The following RBFOX1 variants were observed in gnomAD, a reference collection of about 807,000 sequenced individuals.
RBFOX1 encodes the protein RNA binding protein fox-1 homolog 1.
A neutral mutation model predicts 57.7 loss-of-function variants in RBFOX1; 8 were observed. That is an observed-to-expected ratio of 0.14 (90% CI 0.08 to 0.25). RBFOX1 has a LOEUF of 0.25. Ranked by LOEUF, RBFOX1 falls within the 10% of genes least tolerant of loss-of-function variation. The pLI is 1.00. For missense variants in RBFOX1, 611 were observed against 548.5 expected (o/e 1.11, Z -1.14); for synonymous variants, 326 against 222.4 (o/e 1.47, Z -4.15).
chr16:5,321,716 C>T (rs2064413934), intron 1 of RBFOX1, among the ~76,000 whole-genome samples: 1 of 152,158 alleles, frequency 6.6e-6, no homozygotes, highest in African/African-American at 2.4e-5. Context: ...CCTCCTTCCA[C>T]ACCTGGGGCT....
At chr16:7,433,719 C>G (rs1360281078) in intron 4 of RBFOX1, among the ~76,000 whole-genome samples, 1 of 152,192 alleles carries the variant, frequency 6.6e-6, no homozygotes, top group Admixed American at 6.5e-5. Flanking sequence ...TCCATCTGTT[C>G]ATCCACCCAT....
At chr16:6,797,228 G>C (rs914414683) in intron 3 of RBFOX1, among the ~76,000 whole-genome samples, 1 of 152,106 alleles carries the variant, frequency 6.6e-6, no homozygotes. Context: ...CAAATTGGCC[G>C]TGCCTTTGAT....
At chr16:7,172,896 G>A (rs977761024) in intron 4 of RBFOX1, among the ~76,000 whole-genome samples, 4 of 152,174 alleles carry the variant, frequency 2.6e-5, no homozygotes, top group African/African-American at 9.7e-5. Context: ...CCTGCCATGA[G>A]ATTCCCAAGG....
At chr16:6,439,935 C>G (rs2094332255) in intron 2 of RBFOX1, among the ~76,000 whole-genome samples, 2 of 115,220 alleles carry the variant, frequency 1.7e-5, no homozygotes, top group South Asian at 5.3e-4. Flanking sequence ...AGGTCTTAAA[C>G]TGAAATACTG....
intron 1 of RBFOX1, among the ~76,000 whole-genome samples, chr16:6,135,047 C>T (rs2096657001): frequency 2.0e-5 from 3 of 152,052 alleles, no homozygotes; most frequent in Admixed American, 1.3e-4. Context: ...TTCCTGTGTC[C>T]AAGTGTTCTC....
At chr16:6,874,299 C>A (rs1046963734) in intron 3 of RBFOX1, among the ~76,000 whole-genome samples, 1 of 151,934 alleles carries the variant, frequency 6.6e-6, no homozygotes, top group African/African-American at 2.4e-5. Flanking sequence ...AATCTGAGGT[C>A]AGGAGTTTTG....
intron 4 of RBFOX1, among the ~76,000 whole-genome samples, chr16:5,945,362 A>G (rs1397732204): frequency 6.6e-6 from 1 of 152,194 alleles, no homozygotes; most frequent in Non-Finnish European, 1.5e-5. Flanking sequence ...TGGATTTGGG[A>G]CAGCCATTAT....
intron 14 of RBFOX1, among the ~76,000 whole-genome samples, chr16:7,678,695 A>T (rs962059304): frequency 6.6e-6 from 1 of 152,188 alleles, no homozygotes; most frequent in African/African-American, 2.4e-5. Flanking sequence ...TTAAACAATT[A>T]ACAATATTTA....
chr16:7,175,451 T>C (rs140050960), intron 4 of RBFOX1, among the ~76,000 whole-genome samples: 107 of 152,244 alleles, frequency 7.0e-4, no homozygotes, highest in African/African-American at 2.6e-3. Context: ...TCCTCCCCCT[T>C]TAACGTGGAT....
chr16:5,577,765 AG>A lies in RBFOX1; in HGVS notation c.259-21136del, dbSNP rs199930240. 6.0e-3 allele frequency among the ~76,000 whole-genome samples: 917 copies of A among 152,320 alleles called. 15 individuals are homozygous for A. The highest frequency in any genetic ancestry group is 0.02 in the African/African-American group (850 of 41,560). ...GTTAATATTCCTGAAAAAACTAAAA[AG>A]TCGTGTTCACACCAGGCGGCATAAT... On this transcript the variant is annotated intron_variant, in intron 2 of 2. Transcript: ENST00000585867.
chr16:6,615,366 T>C (rs918775964), intron 2 of RBFOX1, among the ~76,000 whole-genome samples: 3 of 152,128 alleles, frequency 2.0e-5, no homozygotes, highest in African/African-American at 7.2e-5. Flanking sequence ...GGTCAGGAGT[T>C]GGAGACCAGC....
intron 2 of RBFOX1, among the ~76,000 whole-genome samples, chr16:6,485,010 T>C (rs72760957): frequency 0.19 from 29,030 of 152,148 alleles, 2,842 homozygotes; most frequent in Middle Eastern, 0.22. Flanking sequence ...ATTTTTTGAT[T>C]TAAATGTGTG....
chr16:7,515,333 C>T (rs918866396), intron 4 of RBFOX1, among the ~76,000 whole-genome samples: 3 of 150,462 alleles, frequency 2.0e-5, no homozygotes, highest in African/African-American at 7.4e-5. Flanking sequence ...AAAAATGAGA[C>T]AAAGGGTACA....
intron 5 of RBFOX1, among the ~76,000 whole-genome samples, chr16:7,567,527 C>A: frequency 8.7e-6 from 1 of 115,016 alleles, no homozygotes; most frequent in Non-Finnish European, 1.8e-5. Context: ...ATATATATCC[C>A]TATGTATGGC....
chr16:6,593,490 A>G (rs2097743638), intron 2 of RBFOX1, among the ~76,000 whole-genome samples: 1 of 152,104 alleles, frequency 6.6e-6, no homozygotes, highest in East Asian at 1.9e-4. Context: ...TCCTTGTACT[A>G]GAGGGAGAAT....
intron 2 of RBFOX1, among the ~76,000 whole-genome samples, chr16:5,533,690 T>G (rs2044578146): frequency 6.6e-6 from 1 of 152,176 alleles, no homozygotes; most frequent in Non-Finnish European, 1.5e-5. Flanking sequence ...GGGAATCAAT[T>G]AGATTAGTCA....
At chr16:5,645,275 CAA>C (rs34233346) in intron 3 of RBFOX1, among the ~76,000 whole-genome samples, 23 of 148,202 alleles carry the variant, frequency 1.6e-4, no homozygotes, top group South Asian at 8.6e-4. Context: ...GAAACAAAAA[CAA>C]AAAAAAAAAC....
chr16:6,398,766 G>A (rs980549489), intron 2 of RBFOX1, among the ~76,000 whole-genome samples: 5 of 152,192 alleles, frequency 3.3e-5, no homozygotes, highest in African/African-American at 1.2e-4. Flanking sequence ...TTGAGTGTCT[G>A]CAGCTTTTCC....
intron 4 of RBFOX1, among the ~76,000 whole-genome samples, chr16:7,104,024 T>A (rs1219440721): frequency 6.6e-6 from 1 of 152,188 alleles, no homozygotes; most frequent in Admixed American, 6.6e-5. Context: ...AAATTTTGTT[T>A]TGTGTTTTTC....
Sources: gnomAD v4.1 joint callset for allele counts (sites outside exome capture counted in the v4.1 genomes callset) on GRCh38, gnomAD v4.1.1 for gene constraint, MANE v1.5 for transcripts, NCBI Gene and HGNC (gene_info 2026-07-23, HGNC 2026-07-21) for gene names.